PLSCR2: variants seen among roughly 807,000 people sequenced by gnomAD.
PLSCR2 encodes the protein phospholipid scramblase 2.
PLSCR2 carries 18 observed loss-of-function variants against 25.3 expected under a neutral mutation model. That is an observed-to-expected ratio of 0.71 (90% confidence interval 0.49 to 1.06). The LOEUF (loss-of-function observed/expected upper bound fraction) is 1.06, where lower values mean the gene tolerates loss of function less well. Ranked by LOEUF, PLSCR2 falls within the 50% of genes least tolerant of loss-of-function variation. The pLI, the probability that PLSCR2 is intolerant of heterozygous loss-of-function variation, is 0.00. For missense variants in PLSCR2, 243 were observed against 269.5 expected (o/e 0.90, Z 0.69); for synonymous variants, 88 against 87.3 (o/e 1.01, Z -0.04).
At chr3:146,393,099 G>A (rs1205346067) in intron 3 of PLSCR2, among the ~76,000 whole-genome samples, 8 of 142,306 alleles carry the variant, frequency 5.6e-5, no homozygotes, top group African/African-American at 2.1e-4. Context: ...CGTGATCTTG[G>A]CTCACTGCAA....
chr3:146,405,765 C>A (rs1197370918), intron 2 of PLSCR2, among the ~76,000 whole-genome samples: 1 of 152,192 alleles, frequency 6.6e-6, no homozygotes, highest in Non-Finnish European at 1.5e-5. Context: ...ATTAGAGTAG[C>A]TAACCATGAG....
At chr3:146,401,948 A>G (rs868830192) in intron 2 of PLSCR2, among the ~76,000 whole-genome samples, 42 of 152,014 alleles carry the variant, frequency 2.8e-4, no homozygotes, top group African/African-American at 9.6e-4. Context: ...CTTACACTAA[A>G]TTGAGGGAAG....
chr3:146,409,088 C>T, intron 2 of PLSCR2, among the ~76,000 whole-genome samples: 1 of 152,120 alleles, frequency 6.6e-6, no homozygotes, highest in Non-Finnish European at 1.5e-5. Flanking sequence ...AGGTCAAAAC[C>T]TGGGGCTTTT....
rs144632674 is a variant in PLSCR2, at chr3:146,455,590, T to C, written c.101-131A>G. On this transcript the variant is annotated intron_variant, in intron 3 of 6. Transcript: ENST00000610787. ...GAACAAAAAGGAATGGTATTTAGAG[T>C]TGATCAGGCAGAGGAAAAAGGCAAA... 5.3e-5 allele frequency: 33 copies of C among 626,904 alleles called. No homozygotes were observed. The East Asian group carries it at 8.7e-4, about 17-fold the overall frequency. The allele number at this position is 626,904 out of a possible 1,614,324, so 38.8% of individuals were successfully genotyped here.
chr3:146,392,927 AGC>A (rs1336337874), intron 3 of PLSCR2, among the ~76,000 whole-genome samples: 10 of 148,228 alleles, frequency 6.7e-5, no homozygotes. Context: ...CAATAATTAT[AGC>A]TATAGAGTTT....
chr3:146,399,203 C>T (rs12054302), intron 2 of PLSCR2, among the ~76,000 whole-genome samples: 75,763 of 151,668 alleles, frequency 0.5, 19,540 homozygotes, highest in South Asian at 0.7. Context: ...GCTTATTACT[C>T]AATATGCCAA....
At chr3:146,493,907 T>A (rs2043651138) in intron 1 of PLSCR2, among the ~76,000 whole-genome samples, 1 of 151,214 alleles carries the variant, frequency 6.6e-6, no homozygotes. Flanking sequence ...TAAGATAATA[T>A]GTTTATGGTT....
At chr3:146,495,213 T>C (rs1276166974) in intron 1 of PLSCR2, among the ~76,000 whole-genome samples, 3 of 152,146 alleles carry the variant, frequency 2.0e-5, no homozygotes, top group African/African-American at 7.2e-5. Context: ...ATGGCATTCG[T>C]TTTTCTTCTC....
At chr3:146,447,313 C>T (rs945923554) in intron 6 of PLSCR2, among the ~76,000 whole-genome samples, 1 of 152,204 alleles carries the variant, frequency 6.6e-6, no homozygotes, top group Non-Finnish European at 1.5e-5. Context: ...ACACCTGAAG[C>T]AAGCATGTCT....
intron 2 of PLSCR2, among the ~76,000 whole-genome samples, chr3:146,400,173 T>C (rs924018656): frequency 3.3e-5 from 5 of 151,698 alleles, no homozygotes; most frequent in Non-Finnish European, 5.9e-5. Flanking sequence ...ATAAAAAGCA[T>C]ACAGATGACA....
At chr3:146,469,074 G>A (rs2041996276) in intron 1 of PLSCR2, 1 of 956,712 alleles carries the variant, frequency 1.0e-6, no homozygotes, top group Non-Finnish European at 1.2e-6. Context: ...GCATAGACGT[G>A]GGCTCCTGGC....
intron 2 of PLSCR2, among the ~76,000 whole-genome samples, chr3:146,459,209 A>G (rs558770985): frequency 3.9e-5 from 6 of 152,306 alleles, no homozygotes; most frequent in South Asian, 2.1e-4. Flanking sequence ...TCCAAAGGAA[A>G]AAAGCATCAT....
chr3:146,478,547 A>G (rs2043009799), intron 1 of PLSCR2, among the ~76,000 whole-genome samples: 2 of 152,238 alleles, frequency 1.3e-5, no homozygotes, highest in Admixed American at 1.3e-4. Context: ...TAGAGAAAAA[A>G]GAGTAAAAAG....
At chr3:146,458,007 G>A (rs561471216) in intron 3 of PLSCR2, among the ~76,000 whole-genome samples, 132 of 152,066 alleles carry the variant, frequency 8.7e-4, no homozygotes, top group Non-Finnish European at 1.6e-3. Flanking sequence ...ACCTCCTCCC[G>A]TATTATTTAA....
At chr3:146,444,910 A>C (rs1467200529) in intron 6 of PLSCR2, among the ~76,000 whole-genome samples, 1 of 151,190 alleles carries the variant, frequency 6.6e-6, no homozygotes, top group Non-Finnish European at 1.5e-5. Context: ...CTTGCTTTTG[A>C]TTCTGTATGT....
At chr3:146,410,374 G>A (rs2038804491) in intron 2 of PLSCR2, among the ~76,000 whole-genome samples, 1 of 152,152 alleles carries the variant, frequency 6.6e-6, no homozygotes, top group Non-Finnish European at 1.5e-5. Flanking sequence ...TCTGCAGGGT[G>A]GCTGTTTTGA....
chr3:146,401,066 G>A (rs1021764463), intron 2 of PLSCR2, among the ~76,000 whole-genome samples: 1 of 151,986 alleles, frequency 6.6e-6, no homozygotes, highest in Admixed American at 6.6e-5. Context: ...ACACGAGGTA[G>A]AGTCTTTGCC....
chr3:146,463,535 T>G (rs191337859), upstream of PLSCR2, among the ~76,000 whole-genome samples: 8 of 152,312 alleles, frequency 5.3e-5, no homozygotes, highest in Admixed American at 3.9e-4. Context: ...CTTGACCCCA[T>G]CCTAGTCTTT....
intron 1 of PLSCR2, among the ~76,000 whole-genome samples, chr3:146,476,375 G>A (rs1162245285): frequency 1.3e-5 from 2 of 152,192 alleles, no homozygotes; most frequent in Non-Finnish European, 2.9e-5. Context: ...CTTTTTCCAT[G>A]GATCTGTGCA....
Sources: gnomAD v4.1 joint callset for allele counts (sites outside exome capture counted in the v4.1 genomes callset) on GRCh38, gnomAD v4.1.1 for gene constraint, MANE v1.5 for transcripts, NCBI Gene and HGNC (gene_info 2026-07-23, HGNC 2026-07-21) for gene names.